TNKS: variants seen among roughly 807,000 people sequenced by gnomAD.
TNKS encodes poly [ADP-ribose] polymerase tankyrase-1.
A neutral mutation model predicts 135.8 loss-of-function variants in TNKS; 72 were observed. The observed-to-expected ratio is 0.53, with a 90% confidence interval of 0.44 to 0.64. The LOEUF (loss-of-function observed/expected upper bound fraction) is 0.64. Among genes scored for constraint, TNKS ranks in the 30% least tolerant of loss-of-function variants. The pLI is 0.00. For synonymous variants in TNKS, 849 were observed against 649.3 expected, an observed-to-expected ratio of 1.31 and a Z score of -4.68; for missense variants, 1,769 against 1,674.0, an observed-to-expected ratio of 1.06 and a Z score of -0.99.
intron 3 of TNKS, among the ~76,000 whole-genome samples, chr8:9,617,984 GTTTT>G (rs33956228): frequency 3.2e-5 from 3 of 94,014 alleles, no homozygotes; most frequent in Non-Finnish European, 4.2e-5. Context: ...CTCTTTTTTG[GTTTT>G]TTTTTTTTTT....
chr8:9,735,304 T>G, intron 16 of TNKS, 73 bp from the exon 17 acceptor site: 1 of 1,378,504 alleles, frequency 7.3e-7, no homozygotes, highest in Non-Finnish European at 1.0e-6. Context: ...CATTTTCTGG[T>G]CCTTATTACA....
intron 3 of TNKS, among the ~76,000 whole-genome samples, chr8:9,640,540 T>C (rs1489892917): frequency 2.1e-5 from 3 of 146,134 alleles, no homozygotes; most frequent in African/African-American, 7.6e-5. Context: ...TAAATAACTA[T>C]CTGACTGGAT....
chr8:9,637,717 C>A (rs1280507165), intron 3 of TNKS, among the ~76,000 whole-genome samples: 1 of 152,080 alleles, frequency 6.6e-6, no homozygotes, highest in Non-Finnish European at 1.5e-5. Context: ...GTAAAATGCT[C>A]ATTTGCTTAT....
At chr8:9,637,755 C>T (rs924894966) in intron 3 of TNKS, among the ~76,000 whole-genome samples, 4 of 152,034 alleles carry the variant, frequency 2.6e-5, no homozygotes, top group African/African-American at 9.7e-5. Flanking sequence ...AACAAAAACA[C>T]ATGAAGTAGA....
intron 1 of TNKS, chr8:9,557,308 G>A (rs1815362481): frequency 6.6e-6 from 1 of 151,928 alleles, no homozygotes; most frequent in South Asian, 2.1e-4. Context: ...ATCATAAAAT[G>A]ATGTTGTGCG....
intron 18 of TNKS, among the ~76,000 whole-genome samples, chr8:9,749,585 G>A (rs545593260): frequency 6.0e-5 from 9 of 150,494 alleles, no homozygotes; most frequent in East Asian, 5.9e-4. Flanking sequence ...AGCCATCCTC[G>A]TATCTCAATC....
Position 9,748,028 on chromosome 8 carries a change from T to G in TNKS, c.2648T>G (p.Val883Gly). The change falls in exon 18 of 27, where the codon GTT becomes GGT. Residue 883 changes from valine to glycine, a missense_variant. Physicochemically the swap from Val to Gly is moderately radical, Grantham distance 109. Coordinates refer to ENST00000310430, the MANE Select transcript of TNKS (RefSeq NM_003747.3). ...PLHNAASYGH[V>G]DIAALLIKYN... ...TATCCTTTTCTTTTTTTTCAGCATG[T>G]TGACATAGCGGCTTTATTGATAAAA... 1 of 1,606,616 alleles carries G rather than the reference T, an allele frequency of 6.2e-7. No individual in the cohort carries two copies. Among genetic ancestry groups the G allele is most frequent in the East Asian group, 2.2e-5 (1 of 44,808 alleles).
chr8:9,565,096 G>C (rs774771318), intron 1 of TNKS, among the ~76,000 whole-genome samples: 1 of 151,870 alleles, frequency 6.6e-6, no homozygotes, highest in African/African-American at 2.4e-5. Flanking sequence ...TTCTTTTAAG[G>C]CTTCATCAGA....
At chr8:9,754,921 C>A (rs561307168) in intron 20 of TNKS, among the ~76,000 whole-genome samples, 1 of 152,178 alleles carries the variant, frequency 6.6e-6, no homozygotes, top group Admixed American at 6.5e-5. Context: ...TCCTTATTCC[C>A]TAACTGAAGG....
intron 3 of TNKS, among the ~76,000 whole-genome samples, chr8:9,631,317 T>C (rs759938131): frequency 7.2e-5 from 11 of 152,218 alleles, no homozygotes; most frequent in Non-Finnish European, 1.2e-4. Context: ...GTGTGTAGGC[T>C]GGACAACAGA....
rs1161145623 is a variant in TNKS at position 9,735,937 on chromosome 8, C to CA, written c.2643+452dup. On this transcript the variant is annotated intron_variant, in intron 17 of 26. Transcript: ENST00000310430. ...TTTAGCATAATTTTAATCTTTTGTT[C>CA]AGAGTTTTGGTGTATCTTCCCGGCT... 4.5e-4 allele frequency among the ~76,000 whole-genome samples: 68 copies of CA among 151,978 alleles called. 1 individual carries two copies. In the South Asian group the frequency reaches 0.014, roughly 32 times the overall value.
At chr8:9,741,800 T>C (rs1207966950) in intron 17 of TNKS, 1 of 470,680 alleles carries the variant, frequency 2.1e-6, no homozygotes, top group Non-Finnish European at 4.6e-6. Flanking sequence ...CCCTTGAGGC[T>C]GACTTGCTGT....
rs76778523 is a variant in TNKS, at chr8:9,734,448, C to T, written c.2314-417C>T. Among the ~76,000 whole-genome samples the T allele has an allele frequency of 3.7e-3, 515 of 140,942 alleles. 2 individuals are homozygous for T. Among genetic ancestry groups the T allele is most frequent in the Non-Finnish European group, 5.3e-3 (339 of 64,010 alleles). The allele number at this position is 140,942 out of a possible 152,430, so 92.5% of individuals were successfully genotyped here. A position where few individuals can be genotyped will look rare whatever the true frequency, so the allele number is the denominator to read the frequency against. The stretch of plus-strand genomic sequence containing the variant: ...TTACTGATGGCCTTTAGAATTAAGT[C>T]CTTTTTTACCAGTGTGTCTTACTCT... On this transcript the variant is annotated intron_variant, in intron 15 of 26. Transcript: ENST00000310430.
At chr8:9,574,420 G>GT (rs1338876943) in intron 1 of TNKS, among the ~76,000 whole-genome samples, 13 of 152,014 alleles carry the variant, frequency 8.6e-5, no homozygotes, top group Admixed American at 8.5e-4. Flanking sequence ...TACTTTCACT[G>GT]TTTTTTTCCA....
chr8:9,616,068 T>G (rs1191147816), intron 3 of TNKS, among the ~76,000 whole-genome samples: 1 of 152,198 alleles, frequency 6.6e-6, no homozygotes, highest in East Asian at 1.9e-4. Context: ...GCCTGCTGCC[T>G]TATTTCTTGG....
chr8:9,642,455 G>A (rs1199979543), intron 3 of TNKS, among the ~76,000 whole-genome samples: 1 of 145,548 alleles, frequency 6.9e-6, no homozygotes, highest in Non-Finnish European at 1.5e-5. Context: ...TTTTATTTCT[G>A]TCTAAATACT....
intron 2 of TNKS, among the ~76,000 whole-genome samples, chr8:9,588,167 G>C (rs1798458559): frequency 6.6e-6 from 1 of 152,146 alleles, no homozygotes; most frequent in Non-Finnish European, 1.5e-5. Context: ...AATTAGGTGT[G>C]GAGAGTCCTT....
At chr8:9,617,633 T>C (rs1371827233) in intron 3 of TNKS, among the ~76,000 whole-genome samples, 1 of 152,206 alleles carries the variant, frequency 6.6e-6, no homozygotes, top group Non-Finnish European at 1.5e-5. Flanking sequence ...AGTAATTCTT[T>C]CCAGTGGAAT....
intron 2 of TNKS, among the ~76,000 whole-genome samples, chr8:9,612,359 A>G (rs1799493532): frequency 6.6e-6 from 1 of 152,188 alleles, no homozygotes; most frequent in Non-Finnish European, 1.5e-5. Context: ...AGTTCTGGGA[A>G]TCGAATTTTA....
Sources: allele counts gnomAD v4.1 joint callset (sites outside exome capture counted in the v4.1 genomes callset), GRCh38; gene constraint gnomAD v4.1.1; transcripts MANE v1.5; gene names NCBI Gene and HGNC (gene_info 2026-07-23, HGNC 2026-07-21).